Variants in DNAH11 observed in about 807,000 individuals in gnomAD.
The protein encoded by DNAH11 is dynein axonemal heavy chain 11.
In DNAH11, 442 loss-of-function variants were observed where a neutral mutation model predicts 526.0. The observed-to-expected ratio is 0.84, with a 90% CI of 0.78 to 0.91. The LOEUF (loss-of-function observed/expected upper bound fraction) is 0.91, where lower values mean the gene tolerates loss of function less well. Among genes scored for constraint, DNAH11 ranks in the 40% least tolerant of loss-of-function variants. The pLI is 0.00. For missense variants in DNAH11, 6,989 were observed against 5,448.7 expected (o/e 1.28, Z -8.90); for synonymous variants, 2,461 against 1,935.9 (o/e 1.27, Z -7.12).
At chr7:21,687,313 G>T in intron 33 of DNAH11, 58 bp downstream of exon 33, 1 of 1,557,264 alleles carries the variant, frequency 6.4e-7, no homozygotes, top group South Asian at 1.2e-5. Context: ...TTCCTGATTG[G>T]GAATTATTCA....
At chr7:21,653,778 C>T (rs1009592950) in intron 28 of DNAH11, among the ~76,000 whole-genome samples, 4 of 152,172 alleles carry the variant, frequency 2.6e-5, no homozygotes, top group African/African-American at 7.2e-5. Context: ...CTATTTGAAA[C>T]TCGGAGGACT....
In DNAH11 at chr7:21,894,843, T is replaced by C. The variant is rs146082012; in HGVS notation, c.12933+38T>C. On this transcript the variant is annotated intron_variant, in intron 78 of 81. Transcript: ENST00000409508. ...TGAGGCTATAGTAGACTTCAGCACA[T>C]TGGAAGATATTCACTGTGTGGCTTT... 583 of 1,612,314 alleles carry C rather than the reference T, an allele frequency of 3.6e-4. 3 individuals are homozygous for C. In the East Asian group the frequency reaches 0.011, roughly 31 times the overall value.
intron 65 of DNAH11, among the ~76,000 whole-genome samples, chr7:21,832,641 A>G (rs537712394): frequency 6.6e-6 from 1 of 152,194 alleles, no homozygotes; most frequent in Non-Finnish European, 1.5e-5. Flanking sequence ...AGGAAGGAGC[A>G]TCGTTATATA....
In DNAH11 at chr7:21,786,682, C is replaced by G; in HGVS notation, c.9656C>G (p.Thr3219Ser). The G allele has an allele frequency of 6.2e-7, 1 of 1,613,832 alleles. No individual in the cohort carries two copies. Among genetic ancestry groups the G allele is most frequent in the Non-Finnish European group, 8.5e-7 (1 of 1,179,778 alleles). ...CCTCCCATCGCAGTTACCAATGTTA[C>G]TGCAGCCGTGATGGTCCTTCTGGCT... ...PNPPIAVTNV[T>S]AAVMVLLAPR... The change falls in exon 59 of 82, where the codon ACT becomes AGT. Residue 3219 changes from threonine (T) to serine (S), a missense_variant. Thr to Ser is a moderately conservative substitution (Grantham distance 58). Transcript: ENST00000409508.
intron 30 of DNAH11, among the ~76,000 whole-genome samples, chr7:21,678,882 A>G (rs1436051099): frequency 2.0e-5 from 3 of 152,178 alleles, no homozygotes; most frequent in South Asian, 4.1e-4. Flanking sequence ...TTCTGGGTAT[A>G]TAGGTAAAGG....
At chr7:21,838,259 C>A (rs1032027639) in intron 65 of DNAH11, among the ~76,000 whole-genome samples, 4 of 152,194 alleles carry the variant, frequency 2.6e-5, no homozygotes, top group Non-Finnish European at 4.4e-5. Context: ...TTGCTATGCT[C>A]AAAAGACAAG....
chr7:21,648,543 T>A (rs1226695608), intron 28 of DNAH11, among the ~76,000 whole-genome samples: 1 of 152,088 alleles, frequency 6.6e-6, no homozygotes, highest in African/African-American at 2.4e-5. Flanking sequence ...TGAGCAACCA[T>A]CACACACATG....
rs1006300549 is a variant in DNAH11, at chr7:21,655,673, G to A, written c.4945-159G>A. Reference sequence around the variant, plus strand: ...CACTTCACCACCAAGATCCTTTCAAGCTCTCATATTTTAGAAGTGACTTTT... The same window carrying A: ...CACTTCACCACCAAGATCCTTTCAAACTCTCATATTTTAGAAGTGACTTTT... On this transcript the variant is annotated intron_variant, in intron 28 of 81. Transcript: ENST00000409508. Among the ~76,000 whole-genome samples the A allele has an allele frequency of 2.0e-5, 3 of 152,108 alleles. No individual in the cohort carries two copies. In the East Asian group the frequency reaches 5.8e-4, roughly 29 times the overall value.
chr7:21,567,062 CTT>C (rs932905077), intron 6 of DNAH11, among the ~76,000 whole-genome samples: 60 of 152,140 alleles, frequency 3.9e-4, no homozygotes, highest in Non-Finnish European at 5.9e-5. Context: ...AGGGTACAAT[CTT>C]TTCATGGCTC....
rs764357990 is a variant in DNAH11, at chr7:21,738,881, G to T, written c.7811+15G>T. The T allele has an allele frequency of 2.9e-5, 45 of 1,564,766 alleles. No homozygotes were observed. The highest frequency in any genetic ancestry group is 7.9e-5 in the Admixed American group (4 of 50,710). ...TATGGACATTGGTAAGCAAGTCTCT[G>T]TAGTTTACTCTCTCCCAAAATCTAA... On this transcript the variant is annotated intron_variant, in intron 47 of 81. Transcript: ENST00000409508.
intron 31 of DNAH11, among the ~76,000 whole-genome samples, chr7:21,683,332 C>G (rs138246674): frequency 6.6e-6 from 1 of 152,254 alleles, no homozygotes; most frequent in East Asian, 1.9e-4. Flanking sequence ...TGATTAAAAA[C>G]AAAGCAGAAA....
At chr7:21,872,562 C>T (rs772559694) in intron 73 of DNAH11, among the ~76,000 whole-genome samples, 3 of 152,146 alleles carry the variant, frequency 2.0e-5, no homozygotes, top group Non-Finnish European at 2.9e-5. Flanking sequence ...ATATCTCCCT[C>T]CCAGCACCAA....
chr7:21,613,837 G>C (rs7801945), intron 20 of DNAH11, among the ~76,000 whole-genome samples: 71,880 of 151,896 alleles, frequency 0.47, 17,773 homozygotes, highest in East Asian at 0.8. Flanking sequence ...TTTCAACTCA[G>C]TGCAGCCTCA....
chr7:21,862,026 A>T lies in DNAH11; in HGVS notation c.11373+3A>T. The stretch of plus-strand genomic sequence containing the variant: ...TCCTGTCCCAGATGGCTTTTCAGGT[A>T]AGGAGATCAGTTACTTGAAAAAGGA... On this transcript the variant is annotated splice_donor_region_variant and intron_variant, in intron 69 of 81. Transcript: ENST00000409508. 1 of 1,608,496 alleles carries T rather than the reference A, an allele frequency of 6.2e-7. No individual in the cohort carries two copies. Among genetic ancestry groups the T allele is most frequent in the South Asian group, 1.1e-5 (1 of 89,832 alleles).
chr7:21,816,494 G>T lies in DNAH11; in HGVS notation c.10360G>T (p.Asp3454Tyr). Residue 3454 changes from aspartate to tyrosine, a missense_variant, in exon 64 of 82, where the codon GAC (aspartate) becomes TAC (tyrosine). By Grantham distance (160) the Asp-to-Tyr change is radical. Coordinates refer to ENST00000409508, the MANE Select transcript of DNAH11 (RefSeq NM_001277115.2). The part of the protein sequence containing the change: ...KVSIPLTEGL[D>Y]LISMLTDDAT... ...TTCCATTCCACTAACCGAAGGCCTG[G>T]ACTTGATATCCATGTTGACGGATGA... The T allele has an allele frequency of 6.2e-7, 1 of 1,610,120 alleles. No homozygotes were observed. The highest frequency in any genetic ancestry group is 8.5e-7 in the Non-Finnish European group (1 of 1,178,438).
chr7:21,571,979 G>A lies in DNAH11; in HGVS notation c.1593+6G>A, dbSNP rs1562669595. 3 of 1,513,848 alleles carry A rather than the reference G, an allele frequency of 2.0e-6. No homozygotes were observed. The highest frequency in any genetic ancestry group is 2.6e-6 in the Non-Finnish European group (3 of 1,134,604). The allele number at this position is 1,513,848 out of a possible 1,614,324, so 93.8% of individuals were successfully genotyped here. ...CATCTGATTGCACTAACATGGTAAT[G>A]TTGTACCTTTGCATTTTCATTGCAT... is the stretch of plus-strand genomic sequence containing the variant. On this transcript the variant is annotated splice_donor_region_variant and intron_variant, in intron 8 of 81. Transcript: ENST00000409508.
At chr7:21,885,196 A>G (rs988320047) in intron 76 of DNAH11, among the ~76,000 whole-genome samples, 13 of 138,756 alleles carry the variant, frequency 9.4e-5, no homozygotes, top group African/African-American at 3.0e-4. Flanking sequence ...AAACACACAC[A>G]TTTATGACAC....
chr7:21,573,521 T>A (rs1467633363), intron 8 of DNAH11, among the ~76,000 whole-genome samples: 1 of 152,210 alleles, frequency 6.6e-6, no homozygotes, highest in Non-Finnish European at 1.5e-5. Context: ...TAAAAAAATG[T>A]GTTTTGCCTA....
intron 81 of DNAH11, 186 bp from the exon 82 acceptor site, chr7:21,900,821 C>A: frequency 1.1e-6 from 1 of 877,700 alleles, no homozygotes; most frequent in Non-Finnish European, 1.6e-6. Flanking sequence ...AAAGCGGTGC[C>A]TCCGCTGCAG....
Sources: gnomAD v4.1 joint callset for allele counts (sites outside exome capture counted in the v4.1 genomes callset) on GRCh38, gnomAD v4.1.1 for gene constraint, MANE v1.5 for transcripts, NCBI Gene and HGNC (gene_info 2026-07-23, HGNC 2026-07-21) for gene names.